Variants in FRMPD4 observed in about 807,000 individuals in gnomAD.
The protein encoded by FRMPD4 is FERM and PDZ domain-containing protein 4.
Under a neutral mutation model 94.1 loss-of-function variants are expected in FRMPD4, and 22 were observed. That is an observed-to-expected ratio of 0.23 (90% confidence interval 0.17 to 0.33). The LOEUF (loss-of-function observed/expected upper bound fraction) is 0.33. Among genes scored for constraint, FRMPD4 ranks in the 10% least tolerant of loss-of-function variants. The probability of loss-of-function intolerance (pLI) is 1.00; values close to 1 mark genes in which losing one functional copy is unlikely to be tolerated. For synonymous variants in FRMPD4, 631 were observed against 548.6 expected (o/e 1.15, Z -2.10); for missense variants, 1,111 against 1,339.9 (o/e 0.83, Z 2.67).
At chrX:11,900,636 T>C (rs757018343) in intron 3 of FRMPD4, among the ~76,000 whole-genome samples, 5 of 110,906 alleles carry the variant, frequency 4.5e-5, no homozygotes, top group African/African-American at 1.6e-4. Flanking sequence ...CCTGCCTATA[T>C]ATACCCTCCC....
chrX:12,113,597 C>A (rs1408304596), intron 3 of FRMPD4, among the ~76,000 whole-genome samples: 1 of 111,817 alleles, frequency 8.9e-6, no homozygotes, highest in East Asian at 2.8e-4. Context: ...TTCTCTTTTC[C>A]CTTATAAAGC....
At chrX:11,987,278 A>G (rs1241621274) in intron 3 of FRMPD4, among the ~76,000 whole-genome samples, 3 of 110,893 alleles carry the variant, frequency 2.7e-5, no homozygotes, top group African/African-American at 9.8e-5. Context: ...TAGACAAATA[A>G]GTCAGGTGAT....
rs766360469 is a variant in FRMPD4 at position 11,915,813 on chromosome X, G to T, written c.95+37795G>T. ...ACTAACCAGCTGTGTGAACTCAGAA[G>T]AGTTTCTTGGGAGCCCCATGCCTCA... is the stretch of plus-strand genomic sequence containing the variant. On this transcript the variant is annotated intron_variant, in intron 3 of 18. Coordinates refer to the FRMPD4 transcript ENST00000640291. 2.2e-4 allele frequency among the ~76,000 whole-genome samples: 25 copies of T among 112,187 alleles called. 1 individual carries two copies. The South Asian group carries it at 8.9e-3, about 40-fold the overall frequency.
intron 1 of FRMPD4, among the ~76,000 whole-genome samples, chrX:12,148,078 C>T (rs898119052): frequency 3.6e-5 from 4 of 111,975 alleles, no homozygotes; most frequent in African/African-American, 1.3e-4. Flanking sequence ...AATAACCCTA[C>T]AGTAGCCTGC....
At chrX:11,889,002 C>T (rs964793995) in intron 3 of FRMPD4, among the ~76,000 whole-genome samples, 1 of 112,242 alleles carries the variant, frequency 8.9e-6, no homozygotes, top group Non-Finnish European at 1.9e-5. Context: ...GCCTGTACTT[C>T]TTCATAGAAC....
Position 12,201,895 on chromosome X carries a change from A to C in FRMPD4, c.41+62883A>C, listed in dbSNP as rs1198637731. Among the ~76,000 whole-genome samples the C allele has an allele frequency of 5.4e-5, 6 of 112,011 alleles. No individual in the cohort carries two copies. The South Asian group carries it at 1.1e-3, about 21-fold the overall frequency. ...AATTTTATGGCTGTAAAGAGATAAT[A>C]AACAAACTGATGGCTTGTATTCTTC... On this transcript the variant is annotated intron_variant, in intron 1 of 16. Coordinates refer to ENST00000675598, the MANE Select transcript of FRMPD4 (RefSeq NM_001368397.1).
intron 1 of FRMPD4, among the ~76,000 whole-genome samples, chrX:12,231,467 T>C (rs2147778305): frequency 9.0e-6 from 1 of 111,298 alleles, no homozygotes; most frequent in Admixed American, 9.6e-5. Context: ...AAAGCATTGA[T>C]GAACAGCCTG....
At chrX:12,441,445 T>G (rs7880876) in intron 1 of FRMPD4, among the ~76,000 whole-genome samples, 3,300 of 111,417 alleles carry the variant, frequency 0.03, 119 homozygotes, top group African/African-American at 0.1. Context: ...TTGTTTGTTT[T>G]TTTTCCCCCT....
chrX:11,950,197 C>T (rs1284761611), intron 3 of FRMPD4, among the ~76,000 whole-genome samples: 1 of 111,845 alleles, frequency 8.9e-6, no homozygotes, highest in Non-Finnish European at 1.9e-5. Flanking sequence ...CTCACTCTGT[C>T]CTGCCACCCT....
intron 2 of FRMPD4, among the ~76,000 whole-genome samples, chrX:12,535,526 C>T (rs2058330312): frequency 8.9e-6 from 1 of 112,106 alleles, no homozygotes. Flanking sequence ...GGTTCAAATA[C>T]CAAGGTTCAA....
chrX:11,929,292 A>C (rs2054107346), intron 3 of FRMPD4, among the ~76,000 whole-genome samples: 1 of 112,226 alleles, frequency 8.9e-6, no homozygotes, highest in African/African-American at 3.2e-5. Context: ...ACAAACATAC[A>C]AACTATGTCA....
At chrX:12,662,391 C>G (rs1455875091) in intron 4 of FRMPD4, among the ~76,000 whole-genome samples, 1 of 109,712 alleles carries the variant, frequency 9.1e-6, no homozygotes, top group Non-Finnish European at 1.9e-5. Context: ...GTGATGTTCT[C>G]CTCCCTGTGT....
At chrX:12,537,443 AT>A (rs1431532483) in intron 2 of FRMPD4, among the ~76,000 whole-genome samples, 48 of 101,882 alleles carry the variant, frequency 4.7e-4, no homozygotes, top group South Asian at 1.7e-3. Flanking sequence ...AACAATATAT[AT>A]TTTTTTTTTC....
chrX:12,442,860 A>AAAAT (rs1240966935), intron 1 of FRMPD4, among the ~76,000 whole-genome samples: 1 of 112,368 alleles, frequency 8.9e-6, no homozygotes, highest in African/African-American at 3.2e-5. Flanking sequence ...AATGATAAAG[A>AAAAT]AAATAGGATG....
chrX:12,713,494 G>GAC (rs1395076828), intron 14 of FRMPD4, among the ~76,000 whole-genome samples: 16 of 111,105 alleles, frequency 1.4e-4, no homozygotes, highest in African/African-American at 5.2e-4. Context: ...GAGAGAGAGA[G>GAC]AGAGAGAGAG....
intron 12 of FRMPD4, 97 bp downstream of exon 12, chrX:12,707,012 C>T (rs1376173291): frequency 4.3e-6 from 2 of 465,799 alleles, no homozygotes; most frequent in Non-Finnish European, 7.3e-6. Flanking sequence ...TGAATCTTCT[C>T]CAGCCTTCAT....
intron 1 of FRMPD4, among the ~76,000 whole-genome samples, chrX:12,388,676 T>C (rs751942400): frequency 3.8e-5 from 4 of 106,557 alleles, no homozygotes; most frequent in Non-Finnish European, 7.7e-5. Flanking sequence ...CCCACTTCTT[T>C]TGGTTATTTA....
chrX:12,249,822 A>ATATTCAATATATATATATATATAT (rs2054008654), intron 1 of FRMPD4, among the ~76,000 whole-genome samples: 1 of 111,160 alleles, frequency 9.0e-6, no homozygotes, highest in African/African-American at 3.3e-5. Context: ...TATTGGTTAT[A>ATATTCAATATATATATATATATAT]ACTGATATAT....
At chrX:12,071,471 G>A (rs768220656) in intron 3 of FRMPD4, among the ~76,000 whole-genome samples, 1 of 111,699 alleles carries the variant, frequency 9.0e-6, no homozygotes, top group Admixed American at 9.5e-5. Context: ...TCTTTAAAAT[G>A]TTCAACAATC....
Sources: gnomAD v4.1 joint callset for allele counts (sites outside exome capture counted in the v4.1 genomes callset) on GRCh38, gnomAD v4.1.1 for gene constraint, MANE v1.5 for transcripts, NCBI Gene and HGNC (gene_info 2026-07-23, HGNC 2026-07-21) for gene names.